SPINK5: variants seen among roughly 807,000 people sequenced by gnomAD.
SPINK5 encodes the protein serine peptidase inhibitor Kazal type 5, also known as serine protease inhibitor Kazal-type 5.
In SPINK5, 125 loss-of-function variants were observed where a neutral mutation model predicts 151.8. The observed-to-expected ratio is 0.82, with a 90% CI of 0.71 to 0.96. The LOEUF (loss-of-function observed/expected upper bound fraction) is 0.96. Among genes scored for constraint, SPINK5 ranks in the 40% least tolerant of loss-of-function variants. The pLI, the probability that SPINK5 is intolerant of heterozygous loss-of-function variation, is 0.00. For missense variants in SPINK5, 1,194 were observed against 1,291.9 expected, an observed-to-expected ratio of 0.92 and a Z score of 1.16; for synonymous variants, 374 against 395.3, an observed-to-expected ratio of 0.95 and a Z score of 0.64.
intron 17 of SPINK5, among the ~76,000 whole-genome samples, chr5:148,107,883 T>C (rs1414860703): frequency 6.6e-6 from 1 of 152,196 alleles, no homozygotes; most frequent in East Asian, 1.9e-4. Context: ...AATCTGCTCC[T>C]GAACTTAACC....
intron 17 of SPINK5, 98 bp downstream of exon 17, chr5:148,107,262 T>C: frequency 1.3e-6 from 2 of 1,541,220 alleles, no homozygotes; most frequent in Non-Finnish European, 1.8e-6. Context: ...GACCGTGAGT[T>C]ATATATTAGA....
chr5:148,135,119 C>T (rs1046583679), intron 32 of SPINK5, among the ~76,000 whole-genome samples: 5 of 152,114 alleles, frequency 3.3e-5, no homozygotes, highest in African/African-American at 1.2e-4. Context: ...CATTTAAAGA[C>T]CTCTACTCTG....
At chr5:148,072,036 A>C in intron 3 of SPINK5, 112 bp from the exon 4 acceptor site, 4 of 969,068 alleles carry the variant, frequency 4.1e-6, no homozygotes, top group Non-Finnish European at 6.5e-6. Context: ...CAATTTTGAC[A>C]TGCCAGGCTA....
chr5:148,133,048 CA>C (rs1343063353), intron 31 of SPINK5, among the ~76,000 whole-genome samples: 1 of 152,066 alleles, frequency 6.6e-6, no homozygotes, highest in African/African-American at 2.4e-5. Context: ...AGACCCATAA[CA>C]AGTGATCTTT....
At chr5:148,114,031 CTT>C in intron 20 of SPINK5, among the ~76,000 whole-genome samples, 1 of 152,146 alleles carries the variant, frequency 6.6e-6, no homozygotes, top group South Asian at 2.1e-4. Flanking sequence ...GTAATTAACT[CTT>C]TGAACTTCAG....
intron 4 of SPINK5, among the ~76,000 whole-genome samples, chr5:148,078,470 G>A (rs1277476986): frequency 2.6e-5 from 4 of 150,960 alleles, no homozygotes; most frequent in South Asian, 2.1e-4. Context: ...GTGCTTCTCC[G>A]TTGATTGTAG....
intron 21 of SPINK5, 30 bp downstream of exon 21, chr5:148,114,519 G>C (rs1450601417): frequency 1.1e-5 from 17 of 1,611,754 alleles, no homozygotes; most frequent in Non-Finnish European, 1.4e-5. Context: ...CACTACTGTG[G>C]GATGGTGGAA....
intron 26 of SPINK5, 113 bp downstream of exon 26, chr5:148,120,504 C>T (rs773383979): frequency 8.0e-5 from 107 of 1,332,648 alleles, no homozygotes; most frequent in Non-Finnish European, 1.0e-4. Context: ...GGTGATATAA[C>T]GGTAAACAAT....
intron 1 of SPINK5, among the ~76,000 whole-genome samples, chr5:148,064,469 T>C (rs1252074664): frequency 2.0e-5 from 3 of 152,186 alleles, no homozygotes; most frequent in African/African-American, 7.2e-5. Flanking sequence ...ATAATATATG[T>C]ATTTTAATGT....
intron 17 of SPINK5, among the ~76,000 whole-genome samples, chr5:148,108,046 A>G (rs1214141586): frequency 6.6e-6 from 1 of 152,180 alleles, no homozygotes; most frequent in Admixed American, 6.5e-5. Flanking sequence ...CACTAGAAGA[A>G]AAGTGGCCTG....
intron 11 of SPINK5, 82 bp downstream of exon 11, chr5:148,098,076 G>A: frequency 7.4e-7 from 1 of 1,356,778 alleles, no homozygotes; most frequent in African/African-American, 1.4e-5. Context: ...CATAGATGGG[G>A]AGACTGTGGC....
chr5:148,089,395 T>A, intron 6 of SPINK5, 99 bp from the exon 7 acceptor site: 1 of 1,538,638 alleles, frequency 6.5e-7, no homozygotes, highest in South Asian at 1.1e-5. Flanking sequence ...AAGTGGCCCA[T>A]AGCAATGTCA....
chr5:148,071,361 T>C (rs1206401507), intron 3 of SPINK5, among the ~76,000 whole-genome samples: 2 of 152,194 alleles, frequency 1.3e-5, no homozygotes, highest in Non-Finnish European at 1.5e-5. Context: ...GCACTGCTTC[T>C]AGTGAAGAGA....
rs568263578 is a variant in SPINK5 at position 148,082,182 on chromosome 5, GT to G, written c.283-4220del. Among the ~76,000 whole-genome samples, 10 of 151,384 alleles carry G rather than the reference GT, an allele frequency of 6.6e-5. No individual in the cohort carries two copies. The South Asian group carries it at 2.1e-3, about 32-fold the overall frequency. On this transcript the variant is annotated intron_variant, in intron 4 of 32. Coordinates refer to ENST00000256084, the MANE Select transcript of SPINK5 (RefSeq NM_006846.4). Reference sequence around the variant, plus strand: ...TACTAGAAATCTTTTATATCAGGTTGTTTGATAATATACTCTGTTGTTTCTG... The same window carrying G: ...TACTAGAAATCTTTTATATCAGGTTGTTGATAATATACTCTGTTGTTTCTG...
chr5:148,096,955 C>A (rs1163860238), intron 10 of SPINK5, among the ~76,000 whole-genome samples: 1 of 151,548 alleles, frequency 6.6e-6, no homozygotes, highest in Non-Finnish European at 1.5e-5. Context: ...TTCTTCCCCT[C>A]AGTCCTAGGT....
chr5:148,094,223 G>A, intron 8 of SPINK5, 131 bp from the exon 9 acceptor site: 10 of 966,762 alleles, frequency 1.0e-5, no homozygotes, highest in Non-Finnish European at 1.6e-5. Flanking sequence ...TGAGCCTAGA[G>A]GTTAGAGGCT....
chr5:148,106,910 T>G, intron 16 of SPINK5, 127 bp from the exon 17 acceptor site: 3 of 1,196,308 alleles, frequency 2.5e-6, no homozygotes, highest in Non-Finnish European at 3.5e-6. Context: ...AAATACTTAC[T>G]GATTTACTAC....
intron 22 of SPINK5, among the ~76,000 whole-genome samples, chr5:148,118,096 G>A (rs1256331694): frequency 3.3e-5 from 5 of 152,078 alleles, no homozygotes; most frequent in Non-Finnish European, 7.4e-5. Flanking sequence ...TTGGCTCACC[G>A]CAACTTCTGC....
At position 148,137,323 on chromosome 5, in the gene SPINK5, G is replaced by T; in HGVS notation, c.*332G>T. 2.6e-6 allele frequency: 1 copy of T among 390,748 alleles called. No individual in the cohort carries two copies. Among genetic ancestry groups the T allele is most frequent in the Non-Finnish European group, 4.6e-6 (1 of 216,458 alleles). The allele number at this position is 390,748 out of a possible 1,614,324, so 24.2% of individuals were successfully genotyped here. ...TTTCTTTGTCACTATCTGGATAATAGATATTTGCTTTTAAAGAAACTGAAT... is the reference window on the plus strand; with the variant it reads ...TTTCTTTGTCACTATCTGGATAATATATATTTGCTTTTAAAGAAACTGAAT... On this transcript the variant is annotated 3_prime_UTR_variant, in exon 33 of 33. Coordinates refer to ENST00000256084, the MANE Select transcript of SPINK5 (RefSeq NM_006846.4).
Sources: gnomAD v4.1 joint callset for allele counts (sites outside exome capture counted in the v4.1 genomes callset) on GRCh38, gnomAD v4.1.1 for gene constraint, MANE v1.5 for transcripts, NCBI Gene and HGNC (gene_info 2026-07-23, HGNC 2026-07-21) for gene names.